The following PDE1A variants were observed in gnomAD, a reference collection of about 807,000 sequenced individuals.
The protein encoded by PDE1A is phosphodiesterase 1A, also known as dual specificity calcium/calmodulin-dependent 3',5'-cyclic nucleotide phosphodiesterase 1A.
In PDE1A, 35 loss-of-function variants were observed where a neutral mutation model predicts 61.7. The ratio of observed to expected loss-of-function variants is 0.57; its 90% CI spans 0.43 to 0.75. PDE1A has a LOEUF of 0.75. Among genes scored for constraint, PDE1A ranks in the 30% least tolerant of loss-of-function variants. The probability of loss-of-function intolerance (pLI) is 0.00; values close to 1 mark genes in which losing one functional copy is unlikely to be tolerated. For missense variants in PDE1A, 597 were observed against 630.6 expected, an observed-to-expected ratio of 0.95 and a Z score of 0.57; for synonymous variants, 232 against 213.2, an observed-to-expected ratio of 1.09 and a Z score of -0.77.
intron 1 of PDE1A, among the ~76,000 whole-genome samples, chr2:182,377,094 T>TA (rs1180742787): frequency 2.6e-5 from 4 of 152,118 alleles, no homozygotes; most frequent in Admixed American, 6.5e-5. Flanking sequence ...CGTGATTGGG[T>TA]AAAAAAATTA....
Position 182,343,257 on chromosome 2 carries a change from T to C in PDE1A, c.54-78843A>G, listed in dbSNP as rs1698312782. 2.0e-5 allele frequency among the ~76,000 whole-genome samples: 3 copies of C among 152,160 alleles called. No homozygotes were observed. The South Asian group carries it at 6.2e-4, about 32-fold the overall frequency. ...TTTGTTTGGGCATTTTGGTGGAAAT[T>C]TAACATTAAGCAGGCAGGTCTAATT... On this transcript the variant is annotated intron_variant, in intron 1 of 13. Transcript: ENST00000351439.
chr2:182,259,106 T>G (rs1692028413), intron 2 of PDE1A, among the ~76,000 whole-genome samples: 1 of 152,222 alleles, frequency 6.6e-6, no homozygotes, highest in Admixed American at 6.5e-5. Context: ...TAGCCTCTAA[T>G]GTACCCTAAA....
chr2:182,291,279 G>T (rs996601629), intron 1 of PDE1A, among the ~76,000 whole-genome samples: 17 of 149,544 alleles, frequency 1.1e-4, no homozygotes, highest in Non-Finnish European at 2.1e-4. Context: ...TGCCTTCAGA[G>T]ATTTCCAAAA....
intron 1 of PDE1A, among the ~76,000 whole-genome samples, chr2:182,308,661 G>A (rs1358538172): frequency 6.6e-6 from 1 of 151,948 alleles, no homozygotes; most frequent in Non-Finnish European, 1.5e-5. Flanking sequence ...CAACAATGAT[G>A]TAAAAATTTT....
chr2:182,614,905 A>G, the PDE1A span, among the ~76,000 whole-genome samples: 1 of 152,258 alleles, frequency 6.6e-6, no homozygotes, highest in South Asian at 2.1e-4. Flanking sequence ...CTTATCCCAA[A>G]CCTTAGCATG....
chr2:182,264,528 G>T, intron 1 of PDE1A, 114 bp from the exon 2 acceptor site: 2 of 656,408 alleles, frequency 3.0e-6, no homozygotes, highest in Non-Finnish European at 5.2e-6. Flanking sequence ...GCTATTTCTA[G>T]GTCAACAAAT....
At chr2:182,573,995 A>G in the PDE1A span, among the ~76,000 whole-genome samples, 1 of 149,026 alleles carries the variant, frequency 6.7e-6, no homozygotes. Flanking sequence ...ACACACAAAC[A>G]TATATATATA....
the PDE1A span, among the ~76,000 whole-genome samples, chr2:182,689,857 G>A: frequency 1.6e-4 from 24 of 152,202 alleles, no homozygotes; most frequent in East Asian, 1.9e-3. Context: ...TATCACCATC[G>A]ATCCCACAGA....
the PDE1A span, among the ~76,000 whole-genome samples, chr2:182,568,613 C>A: frequency 6.6e-6 from 1 of 151,862 alleles, no homozygotes. Flanking sequence ...TGCAGTGAGC[C>A]GAGATCACAC....
At chr2:182,679,350 A>ATT in the PDE1A span, among the ~76,000 whole-genome samples, 1,612 of 119,420 alleles carry the variant, frequency 0.013, 13 homozygotes, top group South Asian at 0.03. Context: ...TGCTCAGCTA[A>ATT]TTTTTTTTTT....
At chr2:182,687,130 C>A in the PDE1A span, among the ~76,000 whole-genome samples, 9 of 152,226 alleles carry the variant, frequency 5.9e-5, no homozygotes, top group Admixed American at 3.9e-4. Flanking sequence ...GAACAAAAGG[C>A]AGCAGAAACC....
chr2:182,394,447 G>A (rs1040751034), intron 1 of PDE1A, among the ~76,000 whole-genome samples: 3 of 152,090 alleles, frequency 2.0e-5, no homozygotes, highest in Non-Finnish European at 4.4e-5. Flanking sequence ...TGACATGTGG[G>A]GATTATGGGA....
At chr2:182,307,436 T>C (rs1264727791) in intron 1 of PDE1A, among the ~76,000 whole-genome samples, 2 of 152,138 alleles carry the variant, frequency 1.3e-5, no homozygotes, top group Non-Finnish European at 2.9e-5. Flanking sequence ...CCTTCCACCA[T>C]GTGATGATGC....
chr2:182,388,224 C>T (rs1701228559), intron 1 of PDE1A, among the ~76,000 whole-genome samples: 1 of 152,018 alleles, frequency 6.6e-6, no homozygotes, highest in Non-Finnish European at 1.5e-5. Context: ...CACTGCAATA[C>T]AATAATAGTA....
intron 1 of PDE1A, among the ~76,000 whole-genome samples, chr2:182,377,597 G>A (rs1287895353): frequency 6.6e-6 from 1 of 152,142 alleles, no homozygotes; most frequent in Non-Finnish European, 1.5e-5. Context: ...GTGAAAAATT[G>A]TATTACAATT....
upstream of PDE1A, chr2:182,523,242 T>A (rs1156628718): frequency 6.6e-6 from 1 of 152,090 alleles, no homozygotes; most frequent in Non-Finnish European, 1.5e-5. Context: ...CACTTGTGTG[T>A]GTGTGTGTTT....
chr2:182,644,872 A>G, the PDE1A span, among the ~76,000 whole-genome samples: 1 of 152,146 alleles, frequency 6.6e-6, no homozygotes, highest in African/African-American at 2.4e-5. Flanking sequence ...TAATATAAAC[A>G]CATATATTTG....
rs973034072 is a variant in PDE1A, at chr2:182,336,000, A to C, written c.54-71586T>G. Among the ~76,000 whole-genome samples the C allele has an allele frequency of 2.0e-5, 3 of 152,354 alleles. No homozygotes were observed. The South Asian group carries it at 6.2e-4, about 32-fold the overall frequency. On this transcript the variant is annotated intron_variant, in intron 1 of 13. Coordinates refer to ENST00000351439, the Ensembl canonical transcript of PDE1A. The stretch of plus-strand genomic sequence containing the variant: ...ATCAAAAGTAGACATTTATCTGGCC[A>C]ACAAACATATGAAAAAAAGCTCATC...
At chr2:182,468,646 T>C (rs1686825162) in intron 2 of PDE1A, among the ~76,000 whole-genome samples, 1 of 152,010 alleles carries the variant, frequency 6.6e-6, no homozygotes, top group African/African-American at 2.4e-5. Context: ...CTTAATGGGA[T>C]TTGGAATAGC....
Sources: gnomAD v4.1 joint callset for allele counts (sites outside exome capture counted in the v4.1 genomes callset) on GRCh38, gnomAD v4.1.1 for gene constraint, MANE v1.5 for transcripts, NCBI Gene and HGNC (gene_info 2026-07-23, HGNC 2026-07-21) for gene names.